WDPCP: variants seen among roughly 807,000 people sequenced by gnomAD.
WDPCP encodes the protein WD repeat containing planar cell polarity effector, also known as WD repeat-containing and planar cell polarity effector protein fritz homolog.
Under a neutral mutation model 93.1 loss-of-function variants are expected in WDPCP, and 71 were observed. The ratio of observed to expected loss-of-function variants is 0.76; its 90% CI spans 0.63 to 0.93. The LOEUF is 0.93. Among genes scored for constraint, WDPCP ranks in the 40% least tolerant of loss-of-function variants. The pLI is 0.00. For synonymous variants in WDPCP, 315 were observed against 315.0 expected, an observed-to-expected ratio of 1.00 and a Z score of 0.00; for missense variants, 844 against 887.4, an observed-to-expected ratio of 0.95 and a Z score of 0.62.
rs181338425 is a variant in WDPCP at position 63,122,241 on chromosome 2, C to T, written c.2191-185G>A. Among the ~76,000 whole-genome samples the T allele has an allele frequency of 1.2e-3, 177 of 151,906 alleles. 1 individual carries two copies. The highest frequency in any genetic ancestry group is 4.0e-3 in the African/African-American group (165 of 41,456). On this transcript the variant is annotated intron_variant, in intron 17 of 17. Coordinates refer to ENST00000272321, the MANE Select transcript of WDPCP (RefSeq NM_015910.7). ...TGACTTGGTCATCAAAATTTTGATA[C>T]GATATTTATAAAAACTAGTCAAGAA... is the stretch of plus-strand genomic sequence containing the variant.
At chr2:63,745,315 A>G (rs73937270) in intron 2 of WDPCP, among the ~76,000 whole-genome samples, 4,788 of 152,296 alleles carry the variant, frequency 0.031, 259 homozygotes, top group African/African-American at 0.11. Context: ...AAAGAATGGC[A>G]ATGTTTTAAT....
intron 1 of WDPCP, among the ~76,000 whole-genome samples, chr2:63,497,612 A>G (rs1701311289): frequency 1.3e-5 from 2 of 152,192 alleles, no homozygotes; most frequent in Admixed American, 1.3e-4. Flanking sequence ...GGAGAGGACC[A>G]AATCAACATC....
rs907373822 is a variant in WDPCP, at chr2:63,622,675, G to A, written n.488+27984C>T. 3.3e-5 allele frequency: 54 copies of A among 1,613,716 alleles called. 1 individual carries two copies. Among genetic ancestry groups the A allele is most frequent in the Non-Finnish European group, 4.2e-5 (50 of 1,179,812 alleles). On this transcript the variant is annotated intron_variant and non_coding_transcript_variant, in intron 3 of 4. Coordinates refer to the WDPCP transcript ENST00000467687. ...CTGTTGGTCTTGGTCAGGAGTCGCC[G>A]GGACAGCAGTTTCTGGTCAGGGGTC...
intron 2 of WDPCP, among the ~76,000 whole-genome samples, chr2:63,734,858 GAGAT>G (rs148524714): frequency 0.027 from 3,676 of 136,064 alleles, 45 homozygotes; most frequent in Non-Finnish European, 0.036. Context: ...TAGATAGATG[GAGAT>G]AGATAGATAG....
the WDPCP span, among the ~76,000 whole-genome samples, chr2:63,840,487 C>G: frequency 6.6e-6 from 1 of 152,222 alleles, no homozygotes; most frequent in African/African-American, 2.4e-5. Flanking sequence ...CTTCACTTGT[C>G]ACTTTCTTCA....
At chr2:63,229,144 ATC>A (rs1336510445) in intron 14 of WDPCP, 3 of 152,206 alleles carry the variant, frequency 2.0e-5, no homozygotes, top group Non-Finnish European at 2.9e-5. Flanking sequence ...GTGAGACGGT[ATC>A]TCATTGTGGT....
Position 63,259,361 on chromosome 2 carries a change from CTTCAGCTAGTGCCAA to C in WDPCP, c.1846_1860del (p.Leu616_Glu620del). The stretch of plus-strand genomic sequence containing the variant: ...ATGTCACTAGCTCTTTTTCTTGCCA[CTTCAGCTAGTGCCAA>C]TTCACCTTTATCTAGTGCAAGGTAA... On this transcript the variant is annotated inframe_deletion, in exon 14 of 18. Coordinates refer to ENST00000272321, the MANE Select transcript of WDPCP (RefSeq NM_015910.7). 6.2e-7 allele frequency: 1 copy of C among 1,612,668 alleles called. No homozygotes were observed. Among genetic ancestry groups the C allele is most frequent in the Non-Finnish European group, 8.5e-7 (1 of 1,179,590 alleles).
rs188110538 is a variant in WDPCP, at chr2:63,315,496, C to G, written c.1749-2185G>C. Among the ~76,000 whole-genome samples the G allele has an allele frequency of 5.7e-3, 859 of 152,006 alleles. 10 individuals are homozygous for G. Among genetic ancestry groups the G allele is most frequent in the African/African-American group, 0.02 (810 of 41,446 alleles). The stretch of plus-strand genomic sequence containing the variant: ...AATTAAAATCAAACAAGTATGAGTT[C>G]ATAAAGATAATCAAAAACACAAGAA... On this transcript the variant is annotated intron_variant, in intron 12 of 17. Transcript: ENST00000272321.
At chr2:63,510,835 G>T (rs185709216) in intron 1 of WDPCP, among the ~76,000 whole-genome samples, 2 of 152,160 alleles carry the variant, frequency 1.3e-5, no homozygotes, top group African/African-American at 4.8e-5. Context: ...AATTCACCAG[G>T]CGTGGTGGCG....
At chr2:63,287,288 T>C (rs1684077691) in intron 13 of WDPCP, among the ~76,000 whole-genome samples, 1 of 151,592 alleles carries the variant, frequency 6.6e-6, no homozygotes, top group East Asian at 1.9e-4. Context: ...CATGACACCA[T>C]CCATTCTTTT....
intron 2 of WDPCP, among the ~76,000 whole-genome samples, chr2:63,692,223 C>CA (rs897952494): frequency 4.6e-5 from 7 of 150,912 alleles, no homozygotes; most frequent in African/African-American, 1.5e-4. Flanking sequence ...AGAGCAACAA[C>CA]AAAAAAAATC....
At chr2:63,353,257 C>T (rs1030550605) in intron 12 of WDPCP, among the ~76,000 whole-genome samples, 2 of 152,156 alleles carry the variant, frequency 1.3e-5, no homozygotes, top group African/African-American at 2.4e-5. Flanking sequence ...CACGTAGAGA[C>T]CATGGAGCCT....
chr2:63,567,007 G>A (rs1707116323), intron 1 of WDPCP, among the ~76,000 whole-genome samples: 1 of 152,182 alleles, frequency 6.6e-6, no homozygotes, highest in South Asian at 2.1e-4. Flanking sequence ...GTGGAGTTGA[G>A]GTCGGGGGTG....
At chr2:63,545,049 CA>C (rs1705036024) in intron 1 of WDPCP, among the ~76,000 whole-genome samples, 1 of 151,954 alleles carries the variant, frequency 6.6e-6, no homozygotes, top group Non-Finnish European at 1.5e-5. Context: ...GGAATTCAGG[CA>C]AAACAGAAAG....
chr2:63,824,348 C>T (rs896385179), intron 1 of WDPCP, among the ~76,000 whole-genome samples: 2 of 147,348 alleles, frequency 1.4e-5, no homozygotes, highest in East Asian at 4.0e-4. Flanking sequence ...GCAGTTCTTA[C>T]AGTAGTATAA....
chr2:63,548,714 C>T (rs991083528), intron 1 of WDPCP, among the ~76,000 whole-genome samples: 1 of 151,294 alleles, frequency 6.6e-6, no homozygotes, highest in Non-Finnish European at 1.5e-5. Context: ...AGGCTGATCT[C>T]GAACTCCTGG....
At chr2:63,368,314 ATTTATTT>A (rs1160370510) in intron 12 of WDPCP, among the ~76,000 whole-genome samples, 7 of 85,186 alleles carry the variant, frequency 8.2e-5, no homozygotes, top group African/African-American at 3.4e-4. Context: ...TTATTTATTT[ATTTATTT>A]ATTTATTTAT....
chr2:63,185,468 T>A (rs1674556199), intron 14 of WDPCP, among the ~76,000 whole-genome samples: 2 of 151,900 alleles, frequency 1.3e-5, no homozygotes, highest in African/African-American at 4.8e-5. Context: ...TGGCTTTGCT[T>A]CCGGGTGCAT....
At chr2:63,283,019 A>AT (rs535458149) in intron 13 of WDPCP, among the ~76,000 whole-genome samples, 4 of 151,710 alleles carry the variant, frequency 2.6e-5, no homozygotes, top group Admixed American at 6.6e-5. Context: ...ATTTCGTGGA[A>AT]TTTTTTTTTC....
Sources: allele counts gnomAD v4.1 joint callset (sites outside exome capture counted in the v4.1 genomes callset), GRCh38; gene constraint gnomAD v4.1.1; transcripts MANE v1.5; gene names NCBI Gene and HGNC (gene_info 2026-07-23, HGNC 2026-07-21).